Variants in PACRG observed in about 807,000 individuals in gnomAD.
The protein encoded by PACRG is parkin coregulated.
Under a neutral mutation model 29.7 loss-of-function variants are expected in PACRG, and 29 were observed. That is an observed-to-expected ratio of 0.98 (90% CI 0.73 to 1.33). The LOEUF (loss-of-function observed/expected upper bound fraction) is 1.33. Among genes scored for constraint, PACRG ranks in the 40% most tolerant of loss-of-function variants. The pLI, the probability that PACRG is intolerant of heterozygous loss-of-function variation, is 0.00. For missense variants in PACRG, 279 were observed against 316.2 expected, an observed-to-expected ratio of 0.88 and a Z score of 0.89; for synonymous variants, 116 against 118.7, an observed-to-expected ratio of 0.98 and a Z score of 0.15.
At chr6:162,755,739 T>C (rs1758192594) in intron 1 of PACRG, among the ~76,000 whole-genome samples, 1 of 152,152 alleles carries the variant, frequency 6.6e-6, no homozygotes, top group Non-Finnish European at 1.5e-5. Flanking sequence ...ACCTAGCCCT[T>C]TCTTCTTTTT....
chr6:163,214,710 A>G (rs1465942591), intron 4 of PACRG, among the ~76,000 whole-genome samples: 1 of 151,866 alleles, frequency 6.6e-6, no homozygotes, highest in Admixed American at 6.6e-5. Context: ...CTTTTGGGTA[A>G]TTCTCTTTAT....
chr6:162,915,561 A>T (rs1432957673), intron 2 of PACRG, among the ~76,000 whole-genome samples: 1 of 151,860 alleles, frequency 6.6e-6, no homozygotes, highest in African/African-American at 2.4e-5. Context: ...CTGTCATTTT[A>T]TTATGCGTTT....
At chr6:163,088,599 A>G (rs1813808412) in intron 3 of PACRG, among the ~76,000 whole-genome samples, 1 of 152,164 alleles carries the variant, frequency 6.6e-6, no homozygotes, top group African/African-American at 2.4e-5. Context: ...TCTGCAGTAC[A>G]GCTTGTTACT....
chr6:162,892,597 C>A (rs1584679162), intron 2 of PACRG, among the ~76,000 whole-genome samples: 2 of 152,242 alleles, frequency 1.3e-5, no homozygotes, highest in East Asian at 3.9e-4. Context: ...GATGCGACCA[C>A]CTGGATGCTC....
intron 4 of PACRG, among the ~76,000 whole-genome samples, chr6:163,249,707 C>T (rs1173436952): frequency 6.6e-6 from 1 of 152,182 alleles, no homozygotes; most frequent in Non-Finnish European, 1.5e-5. Flanking sequence ...TCTGTGGTTT[C>T]CTGGCAGCAG....
intron 4 of PACRG, among the ~76,000 whole-genome samples, chr6:163,173,111 A>G (rs1013758802): frequency 4.6e-5 from 7 of 152,244 alleles, no homozygotes; most frequent in Admixed American, 4.6e-4. Context: ...GTGTGAATAC[A>G]CACACGTTAG....
chr6:163,196,295 G>A (rs937355508), intron 4 of PACRG, among the ~76,000 whole-genome samples: 2 of 152,170 alleles, frequency 1.3e-5, no homozygotes, highest in African/African-American at 2.4e-5. Flanking sequence ...TAATGACACC[G>A]TCGTCCCTCC....
intron 4 of PACRG, among the ~76,000 whole-genome samples, chr6:163,113,527 C>A (rs1815822344): frequency 6.6e-6 from 1 of 152,166 alleles, no homozygotes; most frequent in East Asian, 1.9e-4. Flanking sequence ...ATACAGAATA[C>A]TCCAAAGATT....
intron 2 of PACRG, among the ~76,000 whole-genome samples, chr6:163,036,319 C>T (rs1431510453): frequency 6.6e-6 from 1 of 152,230 alleles, no homozygotes; most frequent in Non-Finnish European, 1.5e-5. Context: ...AAGAGCCACA[C>T]TGTGAGTACA....
At chr6:163,196,484 C>A (rs1780457907) in intron 4 of PACRG, among the ~76,000 whole-genome samples, 1 of 152,210 alleles carries the variant, frequency 6.6e-6, no homozygotes, top group African/African-American at 2.4e-5. Flanking sequence ...GGAAGAGTGA[C>A]AGCTACTTCA....
Position 163,209,268 on chromosome 6 carries a change from C to G in PACRG, c.614-105559C>G, listed in dbSNP as rs139813401. 5.7e-3 allele frequency among the ~76,000 whole-genome samples: 872 copies of G among 152,276 alleles called. 13 individuals are homozygous for G. Among genetic ancestry groups the G allele is most frequent in the African/African-American group, 0.02 (841 of 41,548 alleles). On this transcript the variant is annotated intron_variant, in intron 4 of 4. Transcript: ENST00000366888. ...GCCTTAATAAAGAATAGTCAGTAGC[C>G]TTAGTGCAGACTAGCTGGAGTAGAT...
intron 4 of PACRG, among the ~76,000 whole-genome samples, chr6:163,258,719 T>C (rs1049329575): frequency 3.5e-4 from 52 of 148,656 alleles, no homozygotes; most frequent in Non-Finnish European, 4.4e-5. Context: ...ATGGCGCCAC[T>C]GCACTCCAGC....
At chr6:163,107,697 T>C (rs1815461426) in intron 4 of PACRG, among the ~76,000 whole-genome samples, 1 of 152,234 alleles carries the variant, frequency 6.6e-6, no homozygotes, top group Non-Finnish European at 1.5e-5. Flanking sequence ...TCCTGTTCTT[T>C]GATGTATTGA....
intron 4 of PACRG, among the ~76,000 whole-genome samples, chr6:163,231,738 A>G (rs1395887358): frequency 1.3e-5 from 2 of 152,124 alleles, no homozygotes; most frequent in Non-Finnish European, 2.9e-5. Context: ...CCCCTTATCC[A>G]TGAGCTTGCA....
At chr6:162,748,636 G>A (rs1008601974) in intron 1 of PACRG, among the ~76,000 whole-genome samples, 1 of 151,976 alleles carries the variant, frequency 6.6e-6, no homozygotes, top group Non-Finnish European at 1.5e-5. Flanking sequence ...TGAGATTCAC[G>A]CACACAGTTA....
chr6:163,100,975 G>T (rs1815051753), intron 4 of PACRG: 3 of 984,490 alleles, frequency 3.0e-6, no homozygotes, highest in Non-Finnish European at 3.6e-6. Context: ...ACCAAGTTCT[G>T]TTCAGAGCCC....
chr6:162,796,118 T>C (rs1052877601), intron 1 of PACRG, among the ~76,000 whole-genome samples: 1 of 152,188 alleles, frequency 6.6e-6, no homozygotes, highest in African/African-American at 2.4e-5. Context: ...TTTAAAATGT[T>C]AAATAGTACA....
At chr6:163,185,713 G>A (rs1779886442) in intron 4 of PACRG, among the ~76,000 whole-genome samples, 1 of 152,090 alleles carries the variant, frequency 6.6e-6, no homozygotes, top group African/African-American at 2.4e-5. Flanking sequence ...AGTTGTGGTG[G>A]GCATGAACTT....
At chr6:162,866,902 T>C (rs1250366449) in intron 2 of PACRG, among the ~76,000 whole-genome samples, 1 of 152,190 alleles carries the variant, frequency 6.6e-6, no homozygotes, top group Non-Finnish European at 1.5e-5. Flanking sequence ...AATCAGTGCA[T>C]CAGGAAAGCC....
Sources: gnomAD v4.1 joint callset for allele counts (sites outside exome capture counted in the v4.1 genomes callset) on GRCh38, gnomAD v4.1.1 for gene constraint, MANE v1.5 for transcripts, NCBI Gene and HGNC (gene_info 2026-07-23, HGNC 2026-07-21) for gene names.